Variants in NEB observed in about 807,000 individuals in gnomAD.
The protein encoded by NEB is nemaline myopathy type 2.
Under a neutral mutation model 952.2 loss-of-function variants are expected in NEB, and 512 were observed. The observed-to-expected ratio is 0.54, with a 90% CI of 0.50 to 0.58. The LOEUF is 0.58. NEB is among the 20% of genes least tolerant of loss of function. NEB has a pLI of 0.00. For synonymous variants in NEB, 2,900 were observed against 3,149.8 expected, an observed-to-expected ratio of 0.92 and a Z score of 2.66; for missense variants, 8,428 against 9,231.1, an observed-to-expected ratio of 0.91 and a Z score of 3.56.
intron 125 of NEB, among the ~76,000 whole-genome samples, 156 bp from the exon 126 acceptor site, chr2:151,554,181 A>G (rs11884800): frequency 0.025 from 3,777 of 152,284 alleles, 63 homozygotes; most frequent in African/African-American, 0.04. Flanking sequence ...ACACCAAGGG[A>G]AATTTTTAAA....
rs370810654 is a variant in NEB at position 151,555,001 on chromosome 2, G to T, written c.19358C>A (p.Thr6453Lys). ...ATCATCGTCAACACTTCTTGGTAAC[G>T]TATAAAGAGCTTTGAACTTTTCATA... ...EEYEKFKALY[T>K]LPRSVDDDPN... Residue 6453 changes from threonine (T) to lysine (K), a missense_variant, in exon 125 of 182, where the codon ACG becomes AAG. By Grantham distance (78) the Thr-to-Lys change is moderately conservative (BLOSUM62 -1). Coordinates refer to ENST00000397345, the MANE Select transcript of NEB (RefSeq NM_001164508.2). 1 of 1,613,648 alleles carries T rather than the reference G, an allele frequency of 6.2e-7. No individual in the cohort carries two copies. The highest frequency in any genetic ancestry group is 8.5e-7 in the Non-Finnish European group (1 of 1,179,612).
chr2:151,679,506 G>A (rs977548832), intron 32 of NEB, among the ~76,000 whole-genome samples: 1 of 152,048 alleles, frequency 6.6e-6, no homozygotes, highest in African/African-American at 2.4e-5. Flanking sequence ...TTAAATGAGG[G>A]GGCTTGATTA....
intron 77 of NEB, among the ~76,000 whole-genome samples, chr2:151,613,698 T>A (rs2098100177): frequency 6.6e-6 from 1 of 152,168 alleles, no homozygotes; most frequent in South Asian, 2.1e-4. Flanking sequence ...TCCCCCTTGC[T>A]GTTCTTGTGA....
rs757309889 is a variant in NEB, at chr2:151,493,769, A to C, written c.24672+6T>G. 1 of 1,543,578 alleles carries C rather than the reference A, an allele frequency of 6.5e-7. No individual in the cohort carries two copies. The highest frequency in any genetic ancestry group is 8.8e-7 in the Non-Finnish European group (1 of 1,132,396). On this transcript the variant is annotated splice_donor_region_variant and intron_variant, in intron 175 of 181. Transcript: ENST00000397345. ...TTTAAGGATTTATTTTTCCTTTCTAAAATACCGAGCTAAAGTTTTCTTGAT... is the reference window on the plus strand; with the variant it reads ...TTTAAGGATTTATTTTTCCTTTCTACAATACCGAGCTAAAGTTTTCTTGAT...
intron 6 of NEB, 125 bp downstream of exon 6, chr2:151,725,328 G>A (rs964786344): frequency 5.2e-6 from 4 of 766,596 alleles, no homozygotes; most frequent in Non-Finnish European, 8.6e-6. Flanking sequence ...TGCTTTTCTA[G>A]ATTTGTGAAC....
rs186001008 is a variant in NEB at position 151,692,378 on chromosome 2, T to C, written c.1897-16A>G. The stretch of plus-strand genomic sequence containing the variant: ...TGTATAATCTCTGTTAAAGGAAAAA[T>C]AAATTAAACCAAAAAGAAAGAAATA... On this transcript the variant is annotated splice_polypyrimidine_tract_variant and intron_variant, in intron 20 of 181. Transcript: ENST00000397345. 1.8e-4 allele frequency: 285 copies of C among 1,543,714 alleles called. 1 individual carries two copies. The African/African-American group carries it at 2.9e-3, about 16-fold the overall frequency.
At chr2:151,499,685 T>C in intron 168 of NEB, 1 of 275,736 alleles carries the variant, frequency 3.6e-6, no homozygotes, top group Non-Finnish European at 6.9e-6. Context: ...ACTAAAATAC[T>C]CAGTGTACAA....
intron 173 of NEB, chr2:151,495,248 G>A (rs1394305759): frequency 6.6e-6 from 1 of 152,200 alleles, no homozygotes; most frequent in Non-Finnish European, 1.5e-5. Flanking sequence ...TGGAAACGTG[G>A]GAGATTTAGG....
At chr2:151,673,869 G>C (rs2099330405) in intron 36 of NEB, among the ~76,000 whole-genome samples, 1 of 151,692 alleles carries the variant, frequency 6.6e-6, no homozygotes, top group African/African-American at 2.4e-5. Context: ...TAGCAGCTGG[G>C]ACTACAGGTG....
chr2:151,571,430 G>A (rs551464446), intron 107 of NEB, among the ~76,000 whole-genome samples: 77 of 152,248 alleles, frequency 5.1e-4, no homozygotes, highest in African/African-American at 1.8e-3. Flanking sequence ...GATAACTTTA[G>A]ACATTAATGG....
chr2:151,530,437 T>C (rs901713951), intron 145 of NEB, among the ~76,000 whole-genome samples: 1 of 152,194 alleles, frequency 6.6e-6, no homozygotes, highest in Admixed American at 6.5e-5. Flanking sequence ...TCCTAGGTTT[T>C]AATGTGACTA....
chr2:151,667,240 T>C (rs959317781), intron 40 of NEB, among the ~76,000 whole-genome samples: 2 of 151,958 alleles, frequency 1.3e-5, no homozygotes. Context: ...CTTGGAGACT[T>C]TTCTAATTTA....
intron 47 of NEB, among the ~76,000 whole-genome samples, chr2:151,658,591 G>A (rs2099111927): frequency 6.6e-6 from 1 of 152,134 alleles, no homozygotes; most frequent in Non-Finnish European, 1.5e-5. Flanking sequence ...TGATTAGGAT[G>A]AAAAAGGAAA....
chr2:151,570,472 T>G, intron 108 of NEB, 25 bp downstream of exon 108: 7 of 1,561,550 alleles, frequency 4.5e-6, no homozygotes, highest in Non-Finnish European at 6.0e-6. Flanking sequence ...AAAAAAAAAC[T>G]GAGAAGTTAA....
chr2:151,508,486 CTG>C (rs1414918085), intron 161 of NEB, among the ~76,000 whole-genome samples: 2 of 152,226 alleles, frequency 1.3e-5, no homozygotes, highest in African/African-American at 2.4e-5. Flanking sequence ...TGTAGCCAGA[CTG>C]TTCAACAGGC....
At chr2:151,506,009 A>T (rs1397244047) in intron 164 of NEB, 157 bp downstream of exon 164, 5 of 698,502 alleles carry the variant, frequency 7.2e-6, no homozygotes, top group Non-Finnish European at 1.0e-5. Flanking sequence ...ACTGAATATG[A>T]GATGACTCTA....
intron 13 of NEB, among the ~76,000 whole-genome samples, chr2:151,701,813 C>A (rs1052341613): frequency 9.3e-5 from 14 of 149,776 alleles, no homozygotes; most frequent in Middle Eastern, 3.4e-3. Context: ...TTTCAAAAAA[C>A]CAGCTCCTGG....
At position 151,636,263 on chromosome 2, in the gene NEB, G is replaced by T; in HGVS notation, c.9066C>A (p.Ile3022=). The change falls in exon 64 of 182, where the codon ATC becomes ATA. Residue 3022 remains isoleucine, a synonymous_variant. Transcript: ENST00000397345. ...GYDLRSDAIP[I]VAAKASRDII... ...TGTCCCTGGAGGCCTTGGCCGCCAC[G>T]ATGGGGATGGCGTCGCTTCGCAAGT... The T allele has an allele frequency of 6.2e-7, 1 of 1,610,364 alleles. No individual in the cohort carries two copies.
intron 131 of NEB, 101 bp from the exon 132 acceptor site, chr2:151,547,839 G>A: frequency 1.3e-6 from 1 of 742,226 alleles, no homozygotes; most frequent in South Asian, 1.9e-5. Flanking sequence ...AAGAGGGGAG[G>A]AAATATCGAG....
Sources: allele counts gnomAD v4.1 joint callset (sites outside exome capture counted in the v4.1 genomes callset), GRCh38; gene constraint gnomAD v4.1.1; transcripts MANE v1.5; gene names NCBI Gene and HGNC (gene_info 2026-07-23, HGNC 2026-07-21).